IFT88: variants seen among roughly 807,000 people sequenced by gnomAD.
The protein encoded by IFT88 is intraflagellar transport protein 88 homolog.
In IFT88, 74 loss-of-function variants were observed where a neutral mutation model predicts 119.5. The ratio of observed to expected loss-of-function variants is 0.62; its 90% CI spans 0.51 to 0.75. The LOEUF is 0.75. IFT88 is among the 30% of genes least tolerant of loss of function. The pLI is 0.00. For missense variants in IFT88, 961 were observed against 977.7 expected (o/e 0.98, Z 0.23); for synonymous variants, 279 against 316.7 (o/e 0.88, Z 1.26).
intron 11 of IFT88, among the ~76,000 whole-genome samples, chr13:20,600,931 A>T (rs1222327600): frequency 1.3e-5 from 2 of 152,252 alleles, no homozygotes; most frequent in African/African-American, 4.8e-5. Context: ...CTATTTGACA[A>T]AAAAAGGAAT....
chr13:20,655,441 CAA>C (rs71778307), intron 21 of IFT88, among the ~76,000 whole-genome samples: 36 of 128,288 alleles, frequency 2.8e-4, no homozygotes, highest in African/African-American at 5.6e-4. Flanking sequence ...GACTCCATCT[CAA>C]AAAAAAAAAA....
intron 17 of IFT88, 51 bp from the exon 18 acceptor site, chr13:20,641,239 A>G: frequency 1.1e-6 from 1 of 913,766 alleles, no homozygotes; most frequent in Non-Finnish European, 1.7e-6. Context: ...TAAATAAATT[A>G]ATACCAATAA....
At chr13:20,685,518 G>T (rs189118268) in intron 24 of IFT88, among the ~76,000 whole-genome samples, 4 of 152,274 alleles carry the variant, frequency 2.6e-5, no homozygotes, top group African/African-American at 7.2e-5. Flanking sequence ...CTGCTGGGGG[G>T]AGTTCTAAGT....
At chr13:20,584,257 A>G (rs1439265157) in intron 3 of IFT88, among the ~76,000 whole-genome samples, 2 of 151,996 alleles carry the variant, frequency 1.3e-5, no homozygotes, top group African/African-American at 4.8e-5. Context: ...CTTTCAGTCT[A>G]TGAACCTATG....
intron 3 of IFT88, among the ~76,000 whole-genome samples, chr13:20,585,467 G>A (rs968107456): frequency 2.0e-5 from 3 of 152,222 alleles, no homozygotes; most frequent in Middle Eastern, 3.2e-3. Context: ...CCTAACCACA[G>A]TGTGACAGTA....
chr13:20,618,304 C>T (rs2045961035), intron 14 of IFT88, among the ~76,000 whole-genome samples: 2 of 152,160 alleles, frequency 1.3e-5, no homozygotes, highest in South Asian at 4.1e-4. Context: ...TAATCTGGCT[C>T]CCCACATCTT....
At chr13:20,571,563 G>A (rs2036370875) in intron 1 of IFT88, among the ~76,000 whole-genome samples, 1 of 152,048 alleles carries the variant, frequency 6.6e-6, no homozygotes, top group Non-Finnish European at 1.5e-5. Context: ...CCATGCTTCT[G>A]TCCAAGTCAA....
chr13:20,595,888 A>C (rs576572129), intron 7 of IFT88, among the ~76,000 whole-genome samples: 1 of 151,952 alleles, frequency 6.6e-6, no homozygotes, highest in Non-Finnish European at 1.5e-5. Context: ...TACAAAAAAC[A>C]AAAACAAAAT....
chr13:20,570,877 T>G (rs1178714176), intron 1 of IFT88, among the ~76,000 whole-genome samples: 1 of 152,122 alleles, frequency 6.6e-6, no homozygotes, highest in African/African-American at 2.4e-5. Flanking sequence ...AACTAATAAT[T>G]TTGTTAGTAT....
At chr13:20,666,602 A>G (rs964153712) in intron 23 of IFT88, among the ~76,000 whole-genome samples, 2 of 152,200 alleles carry the variant, frequency 1.3e-5, no homozygotes, top group Non-Finnish European at 2.9e-5. Flanking sequence ...CTCTTCCAGC[A>G]TTTATTCACT....
chr13:20,588,584 AAAAT>A (rs1245030859), intron 3 of IFT88, among the ~76,000 whole-genome samples: 3 of 152,208 alleles, frequency 2.0e-5, no homozygotes, highest in Non-Finnish European at 4.4e-5. Flanking sequence ...ATTTAAAACT[AAAAT>A]AAATAAATTC....
chr13:20,589,435 T>C (rs968780606), intron 3 of IFT88, among the ~76,000 whole-genome samples: 1 of 152,236 alleles, frequency 6.6e-6, no homozygotes, highest in African/African-American at 2.4e-5. Flanking sequence ...GTTATAGGGA[T>C]AGCTGAGATT....
At chr13:20,644,047 G>A (rs927666000) in intron 19 of IFT88, among the ~76,000 whole-genome samples, 1 of 152,070 alleles carries the variant, frequency 6.6e-6, no homozygotes, top group African/African-American at 2.4e-5. Flanking sequence ...CAGGCCTGAA[G>A]TTAGTTTTTT....
At chr13:20,665,238 A>G (rs79999764) in intron 23 of IFT88, among the ~76,000 whole-genome samples, 1,820 of 152,336 alleles carry the variant, frequency 0.012, 35 homozygotes, top group African/African-American at 0.042. Context: ...TCAGGAAACA[A>G]TGCCAAGAAA....
intron 15 of IFT88, among the ~76,000 whole-genome samples, chr13:20,628,152 A>G (rs1213421288): frequency 1.3e-5 from 2 of 152,248 alleles, no homozygotes; most frequent in African/African-American, 4.8e-5. Flanking sequence ...TGAAAAAGAA[A>G]AATTTATGCC....
Position 20,641,313 on chromosome 13 carries a change from C to G in IFT88, c.1597C>G (p.Arg533Gly), listed in dbSNP as rs147278996. 6.2e-7 allele frequency: 1 copy of G among 1,608,346 alleles called. No individual in the cohort carries two copies. The highest frequency in any genetic ancestry group is 1.3e-5 in the African/African-American group (1 of 74,762). Residue 533 changes from arginine (R) to glycine (G), a missense_variant, in exon 18 of 26, where the codon CGG becomes GGG. Coordinates refer to ENST00000351808, the MANE Select transcript of IFT88 (RefSeq NM_006531.5). ...AGGCCTTACCTATGAGAAACTAAAT[C>G]GGCTAGATGAGGCTTTGGACTGTTT... ...NIGLTYEKLN[R>G]LDEALDCFLK...
At chr13:20,590,882 A>T in intron 4 of IFT88, 85 bp from the exon 5 acceptor site, 1 of 905,200 alleles carries the variant, frequency 1.1e-6, no homozygotes, top group South Asian at 1.4e-5. Context: ...TGCCGATAGA[A>T]TGAAGAAAAC....
intron 3 of IFT88, among the ~76,000 whole-genome samples, chr13:20,588,612 T>C (rs1250320326): frequency 2.0e-5 from 3 of 152,234 alleles, no homozygotes; most frequent in Non-Finnish European, 4.4e-5. Context: ...TTGTACTACT[T>C]ACATTTCATA....
intron 16 of IFT88, among the ~76,000 whole-genome samples, chr13:20,633,134 G>A (rs1309673450): frequency 1.3e-5 from 2 of 152,104 alleles, no homozygotes; most frequent in Non-Finnish European, 2.9e-5. Flanking sequence ...TTGTAATGAT[G>A]GAAGCAAGTA....
Sources: gnomAD v4.1 joint callset for allele counts (sites outside exome capture counted in the v4.1 genomes callset) on GRCh38, gnomAD v4.1.1 for gene constraint, MANE v1.5 for transcripts, NCBI Gene and HGNC (gene_info 2026-07-23, HGNC 2026-07-21) for gene names.